Variants in NUP214 observed in about 807,000 individuals in gnomAD.
NUP214 encodes the protein nucleoporin 214, also known as nuclear pore complex protein Nup214.
A neutral mutation model predicts 196.2 loss-of-function variants in NUP214; 79 were observed. The ratio of observed to expected loss-of-function variants is 0.40; its 90% CI spans 0.34 to 0.49. NUP214 has a LOEUF of 0.49. Ranked by LOEUF, NUP214 falls within the 20% of genes least tolerant of loss-of-function variation. The probability of loss-of-function intolerance (pLI) is 0.58; values close to 1 mark genes in which losing one functional copy is unlikely to be tolerated. For missense variants in NUP214, 2,468 were observed against 2,539.0 expected (o/e 0.97, Z 0.60); for synonymous variants, 1,020 against 990.5 (o/e 1.03, Z -0.56).
intron 2 of NUP214, 99 bp from the exon 3 acceptor site, chr9:131,128,233 A>T: frequency 9.7e-7 from 1 of 1,035,792 alleles, no homozygotes; most frequent in Non-Finnish European, 1.4e-6. Context: ...ATGTGTGTTT[A>T]TGTAGATGCA....
chr9:131,223,142 T>C (rs1834608581), intron 32 of NUP214, among the ~76,000 whole-genome samples: 2 of 152,038 alleles, frequency 1.3e-5, no homozygotes, highest in South Asian at 4.1e-4. Context: ...TTTAAAAGCA[T>C]AGAATGCAAG....
intron 30 of NUP214, among the ~76,000 whole-genome samples, chr9:131,203,686 G>T (rs186725037): frequency 2.9e-4 from 44 of 152,234 alleles, no homozygotes; most frequent in African/African-American, 1.1e-3. Context: ...AGGGAACCAA[G>T]TTCCCTACTG....
rs114289205 is a variant in NUP214 at position 131,186,402 on chromosome 9, A to G, written c.3420-887A>G. The stretch of plus-strand genomic sequence containing the variant: ...TGTAAGGTTTGTTAAGCTGTTTGAT[A>G]ATTTTCTTCCGTGAGGCACAGGCCT... On this transcript the variant is annotated intron_variant, in intron 24 of 35. Coordinates refer to ENST00000359428, the MANE Select transcript of NUP214 (RefSeq NM_005085.4). Among the ~76,000 whole-genome samples, 1,471 of 152,316 alleles carry G rather than the reference A, an allele frequency of 9.7e-3. 17 individuals are homozygous for G. Among genetic ancestry groups the G allele is most frequent in the African/African-American group, 0.034 (1,403 of 41,564 alleles).
intron 33 of NUP214, 35 bp from the exon 34 acceptor site, chr9:131,230,595 C>G (rs779331175): frequency 1.9e-6 from 3 of 1,612,198 alleles, no homozygotes; most frequent in East Asian, 4.5e-5. Context: ...GTGAGAGGCC[C>G]CACTGACCTC....
rs867324041 is a variant in NUP214, at chr9:131,127,531, A to G, written c.53A>G (p.Gln18Arg). The G allele has an allele frequency of 6.2e-7, 1 of 1,600,698 alleles. No individual in the cohort carries two copies. The highest frequency in any genetic ancestry group is 1.7e-4 in the Middle Eastern group (1 of 5,984). Residue 18 changes from glutamine (Q) to arginine (R), a missense_variant, in exon 2 of 36, where the codon CAG (glutamine) becomes CGG (arginine). Gln to Arg is a conservative substitution (Grantham distance 43). Coordinates refer to ENST00000359428, the MANE Select transcript of NUP214 (RefSeq NM_005085.4). ...MIPEREMKDF[Q>R]FRALKKVRIF... ...TTTGATTCTTCACAACAGGATTTTCAGTTTAGAGCGCTAAAGAAGGTGAGA... is the reference window on the plus strand; with the variant it reads ...TTTGATTCTTCACAACAGGATTTTCGGTTTAGAGCGCTAAAGAAGGTGAGA...
intron 32 of NUP214, 38 bp downstream of exon 32, chr9:131,222,968 A>G: frequency 6.3e-7 from 1 of 1,595,010 alleles, no homozygotes. Context: ...ATCTTTATAT[A>G]TGTATTTGTT....
chr9:131,215,507 G>A (rs183598408), intron 31 of NUP214, 139 bp downstream of exon 31: 2 of 962,186 alleles, frequency 2.1e-6, no homozygotes, highest in Admixed American at 3.6e-5. Flanking sequence ...CCCCAAAGCA[G>A]TGTGATCTGT....
intron 21 of NUP214, among the ~76,000 whole-genome samples, chr9:131,173,316 A>G (rs1316537823): frequency 1.3e-5 from 2 of 149,170 alleles, no homozygotes; most frequent in Non-Finnish European, 3.0e-5. Context: ...TCAGCCTCCC[A>G]AAGTGCTGGG....
chr9:131,225,108 A>G (rs192514783), intron 32 of NUP214, among the ~76,000 whole-genome samples: 2 of 152,212 alleles, frequency 1.3e-5, no homozygotes, highest in African/African-American at 2.4e-5. Context: ...AAAAGAAAAA[A>G]GGAAAATCAC....
At position 131,198,753 on chromosome 9, in the gene NUP214, G is replaced by A. The variant is rs1419055101; in HGVS notation, c.5259G>A (p.Val1753=). Residue 1753 remains valine (V), a synonymous_variant, in exon 29 of 36, where the codon GTG becomes GTA. Transcript: ENST00000359428. The stretch of plus-strand genomic sequence containing the variant: ...TCAGTCAGCCTGGGTTCAGTTCCGT[G>A]CCTGCCTTCGGTCAGCCTGCTTCCT... ...FSFSQPGFSS[V]PAFGQPASST... 2 of 1,614,082 alleles carry A rather than the reference G, an allele frequency of 1.2e-6. No homozygotes were observed. The highest frequency in any genetic ancestry group is 3.3e-5 in the Admixed American group (2 of 60,010).
intron 13 of NUP214, 27 bp from the exon 14 acceptor site, chr9:131,147,463 A>G (rs1832117404): frequency 1.9e-6 from 3 of 1,547,180 alleles, no homozygotes; most frequent in Non-Finnish European, 2.7e-6. Context: ...AATGCCATCT[A>G]TTTTAACTGA....
At chr9:131,209,253 C>T (rs1242334282) in intron 30 of NUP214, among the ~76,000 whole-genome samples, 1 of 152,068 alleles carries the variant, frequency 6.6e-6, no homozygotes, top group African/African-American at 2.4e-5. Flanking sequence ...CAGTGCATGC[C>T]TGTAGTCCCA....
chr9:131,219,000 G>C (rs1834481763), intron 31 of NUP214, among the ~76,000 whole-genome samples: 1 of 152,008 alleles, frequency 6.6e-6, no homozygotes, highest in Non-Finnish European at 1.5e-5. Flanking sequence ...CTGCACCTTT[G>C]CCTGAGGGTC....
At chr9:131,126,461 G>A (rs1201850173) in intron 1 of NUP214, 1 of 152,096 alleles carries the variant, frequency 6.6e-6, no homozygotes, top group African/African-American at 2.4e-5. Context: ...GTGAAAAGAA[G>A]TAAGTTGCAG....
intron 30 of NUP214, among the ~76,000 whole-genome samples, chr9:131,212,685 A>G (rs1202739064): frequency 1.3e-5 from 2 of 152,184 alleles, no homozygotes; most frequent in Non-Finnish European, 1.5e-5. Flanking sequence ...TTTTGGCAAT[A>G]TTGTAAGTCT....
chr9:131,192,682 A>G (rs1588156944), intron 27 of NUP214: 3 of 171,966 alleles, frequency 1.7e-5, no homozygotes, highest in South Asian at 1.4e-4. Context: ...GCTCATGCCT[A>G]TAATCCTAGT....
At chr9:131,195,144 T>G (rs1833737390) in intron 27 of NUP214, 89 bp from the exon 28 acceptor site, 2 of 913,730 alleles carry the variant, frequency 2.2e-6, no homozygotes, top group South Asian at 1.6e-5. Context: ...GAGGGCGGTT[T>G]GTATGAATGA....
rs868314163 is a variant in NUP214, at chr9:131,172,124, G to A, written c.2894-1931G>A. Among the ~76,000 whole-genome samples, 631 of 150,432 alleles carry A rather than the reference G, an allele frequency of 4.2e-3. 5 individuals are homozygous for A. The highest frequency in any genetic ancestry group is 0.015 in the African/African-American group (602 of 40,952). ...TCTAGTTCTAGATCCCTGAGGAATC[G>A]CCACACTGACTTCCACAATGGTTGA... On this transcript the variant is annotated intron_variant, in intron 21 of 35. Coordinates refer to ENST00000359428, the MANE Select transcript of NUP214 (RefSeq NM_005085.4).
At chr9:131,177,111 T>C (rs1056205115) in intron 23 of NUP214, among the ~76,000 whole-genome samples, 1 of 151,814 alleles carries the variant, frequency 6.6e-6, no homozygotes, top group African/African-American at 2.4e-5. Context: ...CAATTTAGAG[T>C]TTTTTTTAAA....
Sources: allele counts gnomAD v4.1 joint callset (sites outside exome capture counted in the v4.1 genomes callset), GRCh38; gene constraint gnomAD v4.1.1; transcripts MANE v1.5; gene names NCBI Gene and HGNC (gene_info 2026-07-23, HGNC 2026-07-21).